Variants in CTNNA2 observed in about 807,000 individuals in gnomAD.
CTNNA2 encodes the protein catenin alpha-2.
Under a neutral mutation model 101.0 loss-of-function variants are expected in CTNNA2, and 42 were observed. That is an observed-to-expected ratio of 0.42 (90% confidence interval 0.32 to 0.54). The LOEUF (loss-of-function observed/expected upper bound fraction) is 0.54. CTNNA2 is among the 20% of genes least tolerant of loss of function. The pLI is 0.14. For synonymous variants in CTNNA2, 450 were observed against 456.4 expected (o/e 0.99, Z 0.18); for missense variants, 871 against 1,223.1 (o/e 0.71, Z 4.29).
At chr2:79,637,771 T>C (rs1022429605) in intron 1 of CTNNA2, among the ~76,000 whole-genome samples, 1 of 152,222 alleles carries the variant, frequency 6.6e-6, no homozygotes, top group African/African-American at 2.4e-5. Flanking sequence ...AAATAACATA[T>C]TGAACACATT....
intron 7 of CTNNA2, among the ~76,000 whole-genome samples, chr2:80,230,260 G>GTTTTTTTTT (rs375509574): frequency 8.2e-6 from 1 of 121,626 alleles, no homozygotes; most frequent in African/African-American, 3.3e-5. Flanking sequence ...TTTTTTCTTT[G>GTTTTTTTTT]TTTTTTTTTT....
chr2:79,698,954 AAGCACCT>A (rs1684818359), intron 2 of CTNNA2, among the ~76,000 whole-genome samples: 1 of 152,030 alleles, frequency 6.6e-6, no homozygotes. Context: ...AGTGAGTAGA[AAGCACCT>A]AATTCTATTT....
chr2:80,322,156 C>T (rs188366638), intron 7 of CTNNA2, among the ~76,000 whole-genome samples: 336 of 152,206 alleles, frequency 2.2e-3, no homozygotes, highest in Admixed American at 4.3e-3. Flanking sequence ...AAATTAATTA[C>T]CATCTGATAA....
At chr2:80,205,530 A>T (rs933367676) in intron 7 of CTNNA2, among the ~76,000 whole-genome samples, 10 of 152,220 alleles carry the variant, frequency 6.6e-5, no homozygotes, top group African/African-American at 2.2e-4. Context: ...ATGGTGAAAA[A>T]TTTCCCTGAA....
rs548335118 is a variant in CTNNA2 at position 79,659,318 on chromosome 2, G to A, written c.102+7660G>A. On this transcript the variant is annotated intron_variant, in intron 2 of 18. Transcript: ENST00000402739. ...TGAAATAATCAAAATATAAAGTGAG[G>A]CATCATTATAGTCATTTTTCCATCT... Among the ~76,000 whole-genome samples the A allele has an allele frequency of 4.6e-5, 7 of 151,676 alleles. No individual in the cohort carries two copies. The South Asian group carries it at 1.5e-3, about 32-fold the overall frequency.
At chr2:80,098,976 T>C (rs902943874) in intron 7 of CTNNA2, among the ~76,000 whole-genome samples, 4 of 152,058 alleles carry the variant, frequency 2.6e-5, no homozygotes, top group African/African-American at 7.2e-5. Flanking sequence ...TTCCTCACCC[T>C]GCTTCAGCTC....
At chr2:79,756,895 A>C (rs1396705679) in intron 3 of CTNNA2, among the ~76,000 whole-genome samples, 1 of 152,212 alleles carries the variant, frequency 6.6e-6, no homozygotes, top group Admixed American at 6.5e-5. Context: ...TAGAATCACT[A>C]AAATCTCCAA....
chr2:79,877,699 C>T (rs181615183), intron 6 of CTNNA2, among the ~76,000 whole-genome samples: 1 of 152,210 alleles, frequency 6.6e-6, no homozygotes, highest in Admixed American at 6.5e-5. Context: ...GGCAAAATCT[C>T]TTACTGATAC....
At chr2:79,685,642 T>C (rs553745577) in intron 2 of CTNNA2, among the ~76,000 whole-genome samples, 1 of 152,210 alleles carries the variant, frequency 6.6e-6, no homozygotes, top group East Asian at 1.9e-4. Flanking sequence ...TCACATCCTA[T>C]ATCCACACTT....
At chr2:80,258,900 G>A (rs1056284928) in intron 7 of CTNNA2, among the ~76,000 whole-genome samples, 3 of 152,024 alleles carry the variant, frequency 2.0e-5, no homozygotes, top group Non-Finnish European at 4.4e-5. Flanking sequence ...CCAGAGACAT[G>A]GTACCTCTCC....
chr2:80,409,312 G>T (rs943326981), intron 8 of CTNNA2, among the ~76,000 whole-genome samples: 1 of 152,026 alleles, frequency 6.6e-6, no homozygotes, highest in Non-Finnish European at 1.5e-5. Context: ...AAAAAAAAGT[G>T]CAATATGATG....
At chr2:80,607,488 TAGCC>T (rs1270678545) in intron 16 of CTNNA2, among the ~76,000 whole-genome samples, 3 of 151,968 alleles carry the variant, frequency 2.0e-5, no homozygotes, top group East Asian at 3.9e-4. Flanking sequence ...CCAAACTCCT[TAGCC>T]AGAGTTGACT....
At chr2:79,770,292 A>G (rs1055581346) in intron 3 of CTNNA2, among the ~76,000 whole-genome samples, 1 of 152,210 alleles carries the variant, frequency 6.6e-6, no homozygotes, top group Non-Finnish European at 1.5e-5. Flanking sequence ...CTCAGTGCCT[A>G]ACATTGTGCT....
intron 1 of CTNNA2, among the ~76,000 whole-genome samples, chr2:79,608,605 A>G (rs770983866): frequency 6.8e-6 from 1 of 147,268 alleles, no homozygotes; most frequent in East Asian, 1.9e-4. Flanking sequence ...GTAGTTTGCT[A>G]TTTGGAAACC....
chr2:80,020,449 C>T (rs1694477577), intron 7 of CTNNA2, among the ~76,000 whole-genome samples: 1 of 152,106 alleles, frequency 6.6e-6, no homozygotes, highest in African/African-American at 2.4e-5. Flanking sequence ...ATAAAGTTCT[C>T]ATTTTGCAAG....
chr2:80,349,264 A>G (rs779609442), intron 7 of CTNNA2, among the ~76,000 whole-genome samples: 4 of 152,156 alleles, frequency 2.6e-5, no homozygotes, highest in Non-Finnish European at 5.9e-5. Context: ...TGTATATCTG[A>G]GAAGGACCTT....
chr2:79,914,257 T>C (rs1406803224), intron 7 of CTNNA2, among the ~76,000 whole-genome samples: 1 of 151,760 alleles, frequency 6.6e-6, no homozygotes, highest in Non-Finnish European at 1.5e-5. Context: ...GGGAGTTAAG[T>C]AGAAAAATTT....
intron 4 of CTNNA2, among the ~76,000 whole-genome samples, chr2:79,386,977 G>A (rs1482241877): frequency 3.3e-5 from 5 of 152,202 alleles, no homozygotes; most frequent in African/African-American, 1.2e-4. Context: ...GCCACTTTGA[G>A]AAATATTGGT....
intron 1 of CTNNA2, among the ~76,000 whole-genome samples, chr2:79,523,643 G>T (rs1470380952): frequency 6.6e-6 from 1 of 152,060 alleles, no homozygotes; most frequent in East Asian, 1.9e-4. Context: ...GAGTCATAAG[G>T]TCTGTGAATT....
Sources: allele counts gnomAD v4.1 joint callset (sites outside exome capture counted in the v4.1 genomes callset), GRCh38; gene constraint gnomAD v4.1.1; transcripts MANE v1.5; gene names NCBI Gene and HGNC (gene_info 2026-07-23, HGNC 2026-07-21).